ALPL: variants seen among roughly 807,000 people sequenced by gnomAD.
The protein encoded by ALPL is alkaline phosphatase, tissue-nonspecific isozyme.
ALPL carries 42 observed loss-of-function variants against 51.3 expected under a neutral mutation model. That is an observed-to-expected ratio of 0.82 (90% CI 0.64 to 1.06). ALPL has a LOEUF of 1.06. Among genes scored for constraint, ALPL ranks in the 50% least tolerant of loss-of-function variants. The pLI is 0.00. For synonymous variants in ALPL, 279 were observed against 296.4 expected (o/e 0.94, Z 0.60); for missense variants, 589 against 709.4 (o/e 0.83, Z 1.93).
chr1:21,573,184 AACACTT>A (rs1300176211), intron 8 of ALPL, among the ~76,000 whole-genome samples: 10 of 152,364 alleles, frequency 6.6e-5, no homozygotes, highest in African/African-American at 1.9e-4. Flanking sequence ...CTGTAATCCC[AACACTT>A]TGGGAGGCCG....
At chr1:21,539,203 TG>T (rs990115606) in intron 1 of ALPL, among the ~76,000 whole-genome samples, 33 of 152,312 alleles carry the variant, frequency 2.2e-4, no homozygotes, top group African/African-American at 7.2e-4. Flanking sequence ...GCTCACTTAC[TG>T]GCTGTGTGAC....
intron 8 of ALPL, among the ~76,000 whole-genome samples, chr1:21,572,008 A>G (rs558997799): frequency 1.4e-3 from 219 of 151,898 alleles, no homozygotes; most frequent in African/African-American, 5.0e-3. Context: ...AAAGAAAGAA[A>G]GAAAACATTA....
chr1:21,560,483 T>C (rs1363036047), intron 2 of ALPL, 143 bp from the exon 3 acceptor site: 2 of 1,054,080 alleles, frequency 1.9e-6, no homozygotes, highest in African/African-American at 3.2e-5. Context: ...AAACCACAGA[T>C]GTGTTGTCTG....
At chr1:21,528,906 C>T (rs925733130) in intron 1 of ALPL, among the ~76,000 whole-genome samples, 4 of 151,510 alleles carry the variant, frequency 2.6e-5, no homozygotes, top group African/African-American at 9.7e-5. Context: ...CCCGTCTCTA[C>T]TAAAAGTACA....
intron 6 of ALPL, among the ~76,000 whole-genome samples, chr1:21,566,762 G>T (rs1644570971): frequency 6.6e-6 from 1 of 150,894 alleles, no homozygotes; most frequent in South Asian, 2.1e-4. Context: ...GCTAAGTTTC[G>T]AAACAAATTT....
At chr1:21,536,475 G>T (rs1347308215) in intron 1 of ALPL, among the ~76,000 whole-genome samples, 1 of 152,206 alleles carries the variant, frequency 6.6e-6, no homozygotes. Context: ...ATGTAGCCAG[G>T]ATGTTCAGAG....
At chr1:21,554,476 T>TATTTTTCCATATATATATTTCA (rs1317831455) in intron 2 of ALPL, among the ~76,000 whole-genome samples, 3 of 147,792 alleles carry the variant, frequency 2.0e-5, no homozygotes, top group Admixed American at 1.4e-4. Flanking sequence ...TTCATATATA[T>TATTTTTCCATATATATATTTCA]TATATATATT....
At chr1:21,555,571 A>G (rs1278102369) in intron 2 of ALPL, among the ~76,000 whole-genome samples, 1 of 150,408 alleles carries the variant, frequency 6.6e-6, no homozygotes, top group Non-Finnish European at 1.5e-5. Context: ...CGTGCGCCGC[A>G]ACACCCGGCT....
chr1:21,558,511 T>C (rs1031835981), intron 2 of ALPL, among the ~76,000 whole-genome samples: 7 of 152,238 alleles, frequency 4.6e-5, no homozygotes, highest in African/African-American at 1.7e-4. Flanking sequence ...CTTTATCTCA[T>C]GTCATCCTAG....
chr1:21,527,204 G>A (rs1044748948), intron 1 of ALPL, among the ~76,000 whole-genome samples: 2 of 151,704 alleles, frequency 1.3e-5, no homozygotes, highest in South Asian at 4.2e-4. Flanking sequence ...AGCTAATTTT[G>A]TATTTTTAGT....
chr1:21,551,789 G>A lies in ALPL; in HGVS notation c.-104-2189G>A, dbSNP rs897543922. 2.8e-5 allele frequency among the ~76,000 whole-genome samples: 4 copies of A among 142,776 alleles called. No homozygotes were observed. The South Asian group carries it at 7.0e-4, about 25-fold the overall frequency. The allele number at this position is 142,776 out of a possible 152,430, so 93.7% of individuals were successfully genotyped here. On this transcript the variant is annotated intron_variant, in intron 1 of 11. Transcript: ENST00000374840. ...CGCCCAGGCTGGAGTGCAGTGGCGC[G>A]ATCTCGGCTCACTGCAAGCTCCGCC... is the stretch of plus-strand genomic sequence containing the variant.
intron 1 of ALPL, among the ~76,000 whole-genome samples, chr1:21,528,865 T>A (rs954982195): frequency 1.4e-4 from 21 of 151,004 alleles, no homozygotes; most frequent in Non-Finnish European, 2.5e-4. Context: ...AGGTCAGGAG[T>A]TCGAGACCAG....
At chr1:21,541,524 G>C (rs1346150613) in intron 1 of ALPL, among the ~76,000 whole-genome samples, 1 of 152,256 alleles carries the variant, frequency 6.6e-6, no homozygotes, top group African/African-American at 2.4e-5. Flanking sequence ...CCCGGCCTGT[G>C]CCGGCCTCTG....
intron 4 of ALPL, among the ~76,000 whole-genome samples, chr1:21,562,348 G>A (rs985426117): frequency 6.6e-6 from 1 of 152,218 alleles, no homozygotes; most frequent in African/African-American, 2.4e-5. Context: ...CAGTGTCTGT[G>A]GAGTACACTA....
In ALPL at chr1:21,577,550, A is replaced by G; in HGVS notation, c.1477A>G (p.Asn493Asp). The change falls in exon 12 of 12, where the codon AAC (asparagine) becomes GAC (aspartate). Residue 493 changes from asparagine to aspartate, a missense_variant. Asn to Asp is a conservative substitution (Grantham distance 23). Coordinates refer to ENST00000374840, the MANE Select transcript of ALPL (RefSeq NM_000478.6). ...GGCGTATGCAGCCTGCATCGGGGCC[A>G]ACCTCGGCCACTGTGCTCCTGCCAG... The part of the protein sequence containing the change: ...VMAYAACIGA[N>D]LGHCAPASSA... 6 of 1,605,306 alleles carry G rather than the reference A, an allele frequency of 3.7e-6. No individual in the cohort carries two copies. The highest frequency in any genetic ancestry group is 5.1e-6 in the Non-Finnish European group (6 of 1,179,844).
intron 1 of ALPL, among the ~76,000 whole-genome samples, chr1:21,527,023 C>CTTTTCTTTTCTTTTCTTTTCTTTTCT (rs1643954531): frequency 1.8e-5 from 1 of 54,986 alleles, no homozygotes; most frequent in African/African-American, 3.8e-5. Flanking sequence ...TTGTTCTTTT[C>CTTTTCTTTTCTTTTCTTTTCTTTTCT]TTTTCTTTTC....
At chr1:21,523,014 A>G (rs1446695343) in intron 1 of ALPL, among the ~76,000 whole-genome samples, 1 of 152,186 alleles carries the variant, frequency 6.6e-6, no homozygotes, top group Admixed American at 6.5e-5. Context: ...GGCTGGGCGC[A>G]GTGGCCCCTG....
chr1:21,554,657 A>AT (rs1644376220), intron 2 of ALPL, among the ~76,000 whole-genome samples: 2 of 150,456 alleles, frequency 1.3e-5, no homozygotes, highest in South Asian at 2.1e-4. Context: ...CGCCAGGCTA[A>AT]TTTTTTGTAT....
At chr1:21,513,835 G>T (rs995629074) in intron 1 of ALPL, among the ~76,000 whole-genome samples, 3 of 152,304 alleles carry the variant, frequency 2.0e-5, no homozygotes, top group African/African-American at 7.2e-5. Flanking sequence ...CTATGTCCCT[G>T]CCTGGCCACA....
Sources: allele counts gnomAD v4.1 joint callset (sites outside exome capture counted in the v4.1 genomes callset), GRCh38; gene constraint gnomAD v4.1.1; transcripts MANE v1.5; gene names NCBI Gene and HGNC (gene_info 2026-07-23, HGNC 2026-07-21).